Variants in GPR107 observed in about 807,000 individuals in gnomAD.
The protein encoded by GPR107 is G protein-coupled receptor 107, also known as protein GPR107.
Under a neutral mutation model 75.5 loss-of-function variants are expected in GPR107, and 31 were observed. The ratio of observed to expected loss-of-function variants is 0.41; its 90% CI spans 0.31 to 0.55. The LOEUF is 0.55. Among genes scored for constraint, GPR107 ranks in the 20% least tolerant of loss-of-function variants. GPR107 has a pLI of 0.26. For missense variants in GPR107, 572 were observed against 665.7 expected (o/e 0.86, Z 1.55); for synonymous variants, 267 against 251.3 (o/e 1.06, Z -0.59).
At chr9:130,062,874 C>A (rs1829966103) in intron 1 of GPR107, among the ~76,000 whole-genome samples, 1 of 152,166 alleles carries the variant, frequency 6.6e-6, no homozygotes, top group African/African-American at 2.4e-5. Flanking sequence ...CAGGTGCACA[C>A]CACCACATCT....
At chr9:130,057,916 C>T (rs929808123) in intron 1 of GPR107, among the ~76,000 whole-genome samples, 16 of 151,932 alleles carry the variant, frequency 1.1e-4, no homozygotes, top group Middle Eastern at 3.4e-3. Context: ...CAGCAACCTC[C>T]GCCTCCCGGT....
intron 1 of GPR107, among the ~76,000 whole-genome samples, chr9:130,070,426 C>A (rs1007309124): frequency 6.6e-6 from 1 of 152,132 alleles, no homozygotes; most frequent in Non-Finnish European, 1.5e-5. Flanking sequence ...GCCTCAGCCT[C>A]CCACGTAGCT....
intron 7 of GPR107, among the ~76,000 whole-genome samples, chr9:130,089,309 C>T (rs1331000366): frequency 6.6e-6 from 1 of 152,208 alleles, no homozygotes. Context: ...ATTAGCAGCA[C>T]GTGCTGAAAC....
intron 14 of GPR107, among the ~76,000 whole-genome samples, chr9:130,114,029 C>CTTTTTTTTTTTTTTTTTTATTTTTTTTT (rs1831363776): frequency 1.1e-5 from 1 of 90,660 alleles, no homozygotes; most frequent in Non-Finnish European, 2.0e-5. Context: ...TCTTCTCATT[C>CTTTTTTTTTTTTTTTTTTATTTTTTTTT]TTTTTTTTTT....
chr9:130,101,088 C>T lies in GPR107; in HGVS notation c.1014-18C>T, dbSNP rs1327123581. 9.4e-6 allele frequency: 13 copies of T among 1,389,510 alleles called. 1 individual carries two copies. The South Asian group carries it at 1.5e-4, about 16-fold the overall frequency. 86.1% of individuals were successfully genotyped at this position (1,389,510 alleles called of 1,614,324 possible). Reference sequence around the variant, plus strand: ...CTAAAGAGACCTGCTGGTGTCTGTTCCTTGTTTTCTCTTCCAGTTTGAAAG... The same window carrying T: ...CTAAAGAGACCTGCTGGTGTCTGTTTCTTGTTTTCTCTTCCAGTTTGAAAG... On this transcript the variant is annotated intron_variant, in intron 11 of 17. Transcript: ENST00000347136.
intron 15 of GPR107, among the ~76,000 whole-genome samples, chr9:130,125,207 G>A (rs1239974608): frequency 6.8e-6 from 1 of 146,092 alleles, no homozygotes; most frequent in Non-Finnish European, 1.5e-5. Context: ...CAAGCTTTCC[G>A]AGTAGCTGGG....
At chr9:130,133,448 G>T (rs540072926) in intron 17 of GPR107, among the ~76,000 whole-genome samples, 1 of 152,126 alleles carries the variant, frequency 6.6e-6, no homozygotes, top group African/African-American at 2.4e-5. Flanking sequence ...ACGTGGGGTC[G>T]CATTTCTTTG....
chr9:130,090,938 C>A lies in GPR107; in HGVS notation c.684C>A (p.Cys228Ter). Reference protein sequence around the residue: ...EGLYSLYFHKCLGKELPSDKF... With the variant: ...EGLYSLYFHK ...TTTACAGTCTTTATTTTCATAAATG[C>A]CTTGGAAAAGAATTGCCAAGTGACA... The change falls in exon 8 of 18, where the codon TGC becomes TGA. Residue 228 changes from cysteine to a stop codon, truncating the protein, a stop_gained. Coordinates refer to ENST00000347136, the MANE Select transcript of GPR107 (RefSeq NM_020960.5). LOFTEE classifies it high-confidence loss of function. 1 of 1,559,660 alleles carries A rather than the reference C, an allele frequency of 6.4e-7. No homozygotes were observed. The highest frequency in any genetic ancestry group is 8.8e-7 in the Non-Finnish European group (1 of 1,131,222).
intron 14 of GPR107, among the ~76,000 whole-genome samples, chr9:130,119,159 C>G (rs1296842952): frequency 6.6e-6 from 1 of 152,176 alleles, no homozygotes; most frequent in African/African-American, 2.4e-5. Flanking sequence ...CGACCTGCTG[C>G]CTGGCTGCTC....
chr9:130,062,456 A>AATAATAATAATC, intron 1 of GPR107, among the ~76,000 whole-genome samples: 1 of 149,528 alleles, frequency 6.7e-6, no homozygotes, highest in Non-Finnish European at 1.5e-5. Flanking sequence ...TAATAATAAT[A>AATAATAATAATC]ATAGCACTGA....
chr9:130,080,553 G>A (rs1455596166), intron 5 of GPR107, among the ~76,000 whole-genome samples: 3 of 151,544 alleles, frequency 2.0e-5, no homozygotes, highest in Non-Finnish European at 2.9e-5. Flanking sequence ...GTACAGTGGC[G>A]CAATCTCGGC....
At chr9:130,086,717 G>C (rs577375144) in intron 7 of GPR107, among the ~76,000 whole-genome samples, 2 of 151,932 alleles carry the variant, frequency 1.3e-5, no homozygotes, top group African/African-American at 2.4e-5. Flanking sequence ...TAGGTGACAC[G>C]GTACAGTTTC....
intron 1 of GPR107, among the ~76,000 whole-genome samples, chr9:130,071,658 T>C (rs1467183185): frequency 6.6e-6 from 1 of 151,954 alleles, no homozygotes; most frequent in Non-Finnish European, 1.5e-5. Flanking sequence ...GTTGTTATTA[T>C]CATTATTATT....
chr9:130,066,152 A>C (rs10988585), intron 1 of GPR107, among the ~76,000 whole-genome samples: 68,303 of 151,772 alleles, frequency 0.45, 15,908 homozygotes, highest in East Asian at 0.79. Flanking sequence ...ATACAAATTT[A>C]TCTGGGTGTG....
rs2240913 is a variant in GPR107 at position 130,135,914 on chromosome 9, G to A, written c.*793G>A. ...AGTTCAAAAAGCATTATCCTGTGGC[G>A]TTGCCTGGACATCCACTCCCTGACA... On this transcript the variant is annotated 3_prime_UTR_variant, in exon 18 of 18. Transcript: ENST00000347136. The A allele has an allele frequency of 0.55, 83,936 of 152,104 alleles. 24,391 individuals are homozygous for A. The highest frequency in any genetic ancestry group is 0.69 in the Middle Eastern group (202 of 294). 9.4% of individuals were successfully genotyped at this position (152,104 alleles called of 1,614,324 possible). A position where few individuals can be genotyped will look rare whatever the true frequency, so the allele number is the denominator to read the frequency against.
At chr9:130,118,465 G>A (rs374959697) in intron 14 of GPR107, among the ~76,000 whole-genome samples, 2 of 151,710 alleles carry the variant, frequency 1.3e-5, no homozygotes. Context: ...GTATTGACTT[G>A]GGCATTTGCA....
At chr9:130,083,755 T>G (rs1830546357) in intron 6 of GPR107, among the ~76,000 whole-genome samples, 153 bp downstream of exon 6, 1 of 152,088 alleles carries the variant, frequency 6.6e-6, no homozygotes, top group South Asian at 2.1e-4. Flanking sequence ...CACAGGGGAT[T>G]GGTTACAGGA....
intron 6 of GPR107, among the ~76,000 whole-genome samples, chr9:130,083,819 A>G (rs1830548015): frequency 6.6e-6 from 1 of 152,092 alleles, no homozygotes; most frequent in African/African-American, 2.4e-5. Context: ...ATAAAATGGC[A>G]TAGTATTTAC....
Position 130,133,314 on chromosome 9 carries a change from A to G in GPR107, c.1563-1711A>G, listed in dbSNP as rs536133623. On this transcript the variant is annotated intron_variant, in intron 17 of 17. Transcript: ENST00000347136. ...TTTTCCCAAGTCTGCCGTCAGGCCC[A>G]TATCCGGGTCACAGTGAATGCGCTT... 1.2e-4 allele frequency: 19 copies of G among 152,394 alleles called. No individual in the cohort carries two copies. In the East Asian group the frequency reaches 3.7e-3, roughly 29 times the overall value. 9.4% of individuals were successfully genotyped at this position (152,394 alleles called of 1,614,324 possible). A position where few individuals can be genotyped will look rare whatever the true frequency, so the allele number is the denominator to read the frequency against.
Sources: gnomAD v4.1 joint callset for allele counts (sites outside exome capture counted in the v4.1 genomes callset) on GRCh38, gnomAD v4.1.1 for gene constraint, MANE v1.5 for transcripts, NCBI Gene and HGNC (gene_info 2026-07-23, HGNC 2026-07-21) for gene names.